The following ELL variants were observed in gnomAD, a reference collection of about 807,000 sequenced individuals.
The protein encoded by ELL is elongation factor for RNA polymerase II.
ELL carries 18 observed loss-of-function variants against 64.0 expected under a neutral mutation model. The ratio of observed to expected loss-of-function variants is 0.28; its 90% CI spans 0.19 to 0.42. The LOEUF (loss-of-function observed/expected upper bound fraction) is 0.42, where lower values mean the gene tolerates loss of function less well. Ranked by LOEUF, ELL falls within the 10% of genes least tolerant of loss-of-function variation. ELL has a pLI of 1.00. For missense variants in ELL, 797 were observed against 870.4 expected, an observed-to-expected ratio of 0.92 and a Z score of 1.06; for synonymous variants, 399 against 376.2, an observed-to-expected ratio of 1.06 and a Z score of -0.70.
At chr19:18,505,100 C>A (rs1180201907) in intron 1 of ELL, among the ~76,000 whole-genome samples, 1 of 152,184 alleles carries the variant, frequency 6.6e-6, no homozygotes, top group African/African-American at 2.4e-5. Flanking sequence ...CGACTGAGAA[C>A]GATGGGCAAC....
chr19:18,471,066 T>C (rs1428032841), intron 2 of ELL: 1 of 442,002 alleles, frequency 2.3e-6, no homozygotes, highest in Non-Finnish European at 4.5e-6. Context: ...AGGTACAACA[T>C]GGTAACTCTA....
chr19:18,472,457 G>A (rs1975082833), intron 2 of ELL: 1 of 248,812 alleles, frequency 4.0e-6, no homozygotes, highest in African/African-American at 2.2e-5. Context: ...CAGCTGACAG[G>A]AGGCAGAGCT....
chr19:18,472,499 C>G (rs746778754), intron 2 of ELL: 32 of 322,584 alleles, frequency 9.9e-5, no homozygotes, highest in Non-Finnish European at 1.6e-4. Context: ...CCACAGCTCA[C>G]CTCCTGCTGT....
intron 1 of ELL, chr19:18,473,103 G>A: frequency 1.5e-6 from 1 of 677,088 alleles, no homozygotes; most frequent in African/African-American, 1.8e-5. Flanking sequence ...GAGGGCTGGG[G>A]ACACATGACA....
chr19:18,511,139 C>T (rs1338541903), intron 1 of ELL, among the ~76,000 whole-genome samples: 7 of 151,844 alleles, frequency 4.6e-5, no homozygotes, highest in Admixed American at 6.6e-5. Context: ...TGGTGGTGGG[C>T]GCCTGTAGTC....
At position 18,444,634 on chromosome 19, in the gene ELL, A is replaced by C. The variant is rs1157310744; in HGVS notation, c.*118T>G. On this transcript the variant is annotated 3_prime_UTR_variant, in exon 12 of 12. Transcript: ENST00000262809. The stretch of plus-strand genomic sequence containing the variant: ...CAGACGTCTGCAGGGGCTGCCCTGA[A>C]AGCCGGCGGTGCTGGCTCAGATGAG... The C allele has an allele frequency of 3.4e-6, 4 of 1,165,742 alleles. No homozygotes were observed. The highest frequency in any genetic ancestry group is 4.8e-6 in the Non-Finnish European group (4 of 837,466). 72.2% of individuals were successfully genotyped at this position (1,165,742 alleles called of 1,614,324 possible). A position where few individuals can be genotyped will look rare whatever the true frequency, so the allele number is the denominator to read the frequency against.
chr19:18,452,713 A>G (rs1402686257), intron 6 of ELL, among the ~76,000 whole-genome samples: 1 of 152,248 alleles, frequency 6.6e-6, no homozygotes, highest in Non-Finnish European at 1.5e-5. Flanking sequence ...GCTGTCAGGC[A>G]GCAAAGAGGC....
chr19:18,484,598 C>T (rs568746217), intron 1 of ELL, among the ~76,000 whole-genome samples: 1 of 152,324 alleles, frequency 6.6e-6, no homozygotes, highest in East Asian at 1.9e-4. Flanking sequence ...CATGGTTCCA[C>T]CACTGCACTC....
chr19:18,459,818 G>A (rs144654584), intron 5 of ELL, among the ~76,000 whole-genome samples: 34 of 152,240 alleles, frequency 2.2e-4, no homozygotes, highest in African/African-American at 8.2e-4. Flanking sequence ...GAGCCACCGC[G>A]CCCGGCCCAT....
At chr19:18,476,965 G>A (rs900144033) in intron 1 of ELL, among the ~76,000 whole-genome samples, 2 of 152,194 alleles carry the variant, frequency 1.3e-5, no homozygotes, top group Non-Finnish European at 2.9e-5. Context: ...ACGCCATGTG[G>A]TATCTATAAG....
rs1974329090 is a variant in ELL at position 18,443,134 on chromosome 19, C to CA, written c.*1617_*1618insT. On this transcript the variant is annotated 3_prime_UTR_variant, in exon 12 of 12. Transcript: ENST00000262809. ...TCACCGGTGTCTGCAGGGCTGCCTGCGGGCGACACAGCAAGGTCCAGCTGA... is the reference window on the plus strand; with the variant it reads ...TCACCGGTGTCTGCAGGGCTGCCTGCAGGGCGACACAGCAAGGTCCAGCTGA... 1 of 232,226 alleles carries CA rather than the reference C, an allele frequency of 4.3e-6. No individual in the cohort carries two copies. Among genetic ancestry groups the CA allele is most frequent in the South Asian group, 1.8e-4 (1 of 5,524 alleles). The allele number at this position is 232,226 out of a possible 1,614,324, so 14.4% of individuals were successfully genotyped here.
intron 1 of ELL, among the ~76,000 whole-genome samples, chr19:18,479,326 C>A (rs530706039): frequency 9.2e-5 from 14 of 152,268 alleles, no homozygotes; most frequent in Admixed American, 2.6e-4. Context: ...ACCATCAGAG[C>A]AGAAAGCAGA....
At chr19:18,504,820 C>G (rs1290524417) in intron 1 of ELL, among the ~76,000 whole-genome samples, 1 of 152,194 alleles carries the variant, frequency 6.6e-6, no homozygotes, top group African/African-American at 2.4e-5. Context: ...CTGGGACACT[C>G]TCCACGGAGC....
intron 6 of ELL, 118 bp downstream of exon 6, chr19:18,458,087 C>A: frequency 6.5e-7 from 1 of 1,531,220 alleles, no homozygotes; most frequent in Admixed American, 1.8e-5. Context: ...ACCCTTCCAT[C>A]CTGCTCCCAA....
At chr19:18,445,522 G>A in intron 10 of ELL, 1 of 132,568 alleles carries the variant, frequency 7.5e-6, no homozygotes, top group Non-Finnish European at 1.5e-5. Flanking sequence ...GCAGGACAAG[G>A]AAGTATCCAT....
chr19:18,480,323 T>C (rs998998250), intron 1 of ELL, among the ~76,000 whole-genome samples: 9 of 152,256 alleles, frequency 5.9e-5, no homozygotes, highest in Non-Finnish European at 1.2e-4. Flanking sequence ...ACGGAGAGTT[T>C]AGACAGTGAC....
chr19:18,472,690 TGG>T, intron 2 of ELL, 143 bp downstream of exon 2: 1 of 993,958 alleles, frequency 1.0e-6, no homozygotes, highest in Non-Finnish European at 1.5e-6. Context: ...GGGGCTATCC[TGG>T]GGGCCTAGAA....
chr19:18,514,399 A>G (rs1306473184), intron 1 of ELL, among the ~76,000 whole-genome samples: 1 of 151,464 alleles, frequency 6.6e-6, no homozygotes, highest in Non-Finnish European at 1.5e-5. Flanking sequence ...CTGTAGTCCC[A>G]GCTACTCAGA....
At position 18,443,619 on chromosome 19, in the gene ELL, C is replaced by T. The variant is rs867121995; in HGVS notation, c.*1133G>A. On this transcript the variant is annotated 3_prime_UTR_variant, in exon 12 of 12. Coordinates refer to ENST00000262809, the MANE Select transcript of ELL (RefSeq NM_006532.4). ...ACACACCCACACTTGCGTGGCCCCC[C>T]GATGCTTTGGGGGACACTAGACTAG... The T allele has an allele frequency of 3.9e-5, 9 of 233,360 alleles. No individual in the cohort carries two copies. Among genetic ancestry groups the T allele is most frequent in the South Asian group, 1.8e-4 (1 of 5,534 alleles). 14.5% of individuals were successfully genotyped at this position (233,360 alleles called of 1,614,324 possible).
Sources: gnomAD v4.1 joint callset for allele counts (sites outside exome capture counted in the v4.1 genomes callset) on GRCh38, gnomAD v4.1.1 for gene constraint, MANE v1.5 for transcripts, NCBI Gene and HGNC (gene_info 2026-07-23, HGNC 2026-07-21) for gene names.